Variants in DERPC observed in about 807,000 individuals in gnomAD.
The protein encoded by DERPC is DERPC proline and glycine rich nuclear protein.
A neutral mutation model predicts 7.2 loss-of-function variants in DERPC; 1 was observed. That is an observed-to-expected ratio of 0.14 (90% CI 0.05 to 0.66). The LOEUF is 0.66. Ranked by LOEUF, DERPC falls within the 30% of genes least tolerant of loss-of-function variation. The pLI, the probability that DERPC is intolerant of heterozygous loss-of-function variation, is 0.84. For synonymous variants in DERPC, 185 were observed against 117.6 expected, an observed-to-expected ratio of 1.57 and a Z score of -3.71; for missense variants, 502 against 299.4, an observed-to-expected ratio of 1.68 and a Z score of -4.99.
At position 69,118,382 on chromosome 16, in the gene DERPC, G is replaced by A; in HGVS notation, c.*472C>T. Reference sequence around the variant, plus strand: ...CCCAGGGAAAGGTATGGCAGTAGAGGATGACCAGGTCCAAGCTGCCCAGGT... The same window carrying A: ...CCCAGGGAAAGGTATGGCAGTAGAGAATGACCAGGTCCAAGCTGCCCAGGT... On this transcript the variant is annotated 3_prime_UTR_variant, in exon 3 of 3. Coordinates refer to ENST00000519520, the MANE Select transcript of DERPC (RefSeq NM_001002847.4). 6.2e-7 allele frequency: 1 copy of A among 1,612,076 alleles called. No homozygotes were observed. The highest frequency in any genetic ancestry group is 8.5e-7 in the Non-Finnish European group (1 of 1,178,116).
chr16:69,121,458 T>A lies in DERPC; in HGVS notation c.-244A>T. The A allele has an allele frequency of 6.2e-7, 1 of 1,602,084 alleles. No individual in the cohort carries two copies. The highest frequency in any genetic ancestry group is 8.5e-7 in the Non-Finnish European group (1 of 1,176,988). ...TACCTGGAAATAACAATTTGCACCA[T>A]GAGCTTTCTGTCTTTAAAAAGCAAG... On this transcript the variant is annotated 5_prime_UTR_variant, in exon 2 of 3. An upstream start codon of the reference 5' UTR is lost. Transcript: ENST00000519520.
chr16:69,119,057 C>T lies in DERPC; in HGVS notation c.1372G>A (p.Gly458Ser). The T allele has an allele frequency of 1.4e-6, 1 of 703,034 alleles. No homozygotes were observed. The allele number at this position is 703,034 out of a possible 1,614,324, so 43.5% of individuals were successfully genotyped here. The part of the protein sequence containing the change: ...HLGPSPAGPV[G>S]INPAPFTRPT... ...CTTGTGAAAGGAGCTGGGTTGATAC[C>T]CACAGGGCCAGCTGGAGAAGGGCCC... The change falls in exon 3 of 3, where the codon GGT becomes AGT. Residue 458 changes from glycine to serine, a missense_variant. Transcript: ENST00000519520.
chr16:69,122,508 G>T (rs1214551555), intron 1 of DERPC, among the ~76,000 whole-genome samples: 1 of 151,446 alleles, frequency 6.6e-6, no homozygotes, highest in Non-Finnish European at 1.5e-5. Context: ...GAGTAGCTGG[G>T]ATTACAGGTG....
chr16:69,128,039 C>T (rs549422897), intron 1 of DERPC, among the ~76,000 whole-genome samples: 30 of 152,246 alleles, frequency 2.0e-4, no homozygotes, highest in African/African-American at 7.2e-4. Flanking sequence ...CTCAGCCTCC[C>T]GAGTAACTGG....
intron 2 of DERPC, chr16:69,121,042 AG>A (rs1474340191): frequency 6.2e-7 from 1 of 1,608,920 alleles, no homozygotes; most frequent in Admixed American, 1.7e-5. Flanking sequence ...GGGAAAGAAA[AG>A]CCCCCTCACC....
chr16:69,123,667 A>G (rs1961845484), intron 1 of DERPC, among the ~76,000 whole-genome samples: 1 of 151,870 alleles, frequency 6.6e-6, no homozygotes, highest in Admixed American at 6.6e-5. Flanking sequence ...CAATCAATCA[A>G]TAAATCCAAG....
chr16:69,129,353 C>G (rs961329067), intron 1 of DERPC, among the ~76,000 whole-genome samples: 5 of 149,858 alleles, frequency 3.3e-5, no homozygotes, highest in African/African-American at 1.2e-4. Flanking sequence ...TGGCGTGAAC[C>G]CAGGAGGCAG....
chr16:69,131,721 C>T (rs548131782), intron 1 of DERPC, among the ~76,000 whole-genome samples: 3 of 151,502 alleles, frequency 2.0e-5, no homozygotes, highest in East Asian at 2.0e-4. Flanking sequence ...GTCTTCCAAA[C>T]CGTTCACCCT....
intron 1 of DERPC, among the ~76,000 whole-genome samples, chr16:69,128,490 A>C (rs1162622946): frequency 6.6e-6 from 1 of 152,190 alleles, no homozygotes; most frequent in African/African-American, 2.4e-5. Flanking sequence ...TCTCATGAGG[A>C]GGGAAAAAAG....
At chr16:69,125,819 C>G (rs1033391695) in intron 1 of DERPC, among the ~76,000 whole-genome samples, 2 of 152,230 alleles carry the variant, frequency 1.3e-5, no homozygotes, top group African/African-American at 4.8e-5. Flanking sequence ...GTGTGGACCT[C>G]TTTACTGTGT....
At chr16:69,126,874 G>GA (rs534041774) in intron 1 of DERPC, among the ~76,000 whole-genome samples, 70 of 152,278 alleles carry the variant, frequency 4.6e-4, no homozygotes, top group Non-Finnish European at 8.7e-4. Context: ...AGTAGGTAGG[G>GA]ATTCCTGAGT....
Position 69,118,068 on chromosome 16 carries a change from C to G in DERPC, c.*786G>C, listed in dbSNP as rs1245749410. The G allele has an allele frequency of 2.1e-6, 1 of 487,444 alleles. No homozygotes were observed. Among genetic ancestry groups the G allele is most frequent in the African/African-American group, 1.9e-5 (1 of 51,928 alleles). The allele number at this position is 487,444 out of a possible 1,614,324, so 30.2% of individuals were successfully genotyped here. A position where few individuals can be genotyped will look rare whatever the true frequency, so the allele number is the denominator to read the frequency against. ...GAAAAGATACAATGCAGGAAAACCA[C>G]CAACCATCCTTGCACACCAGGCCGA... On this transcript the variant is annotated 3_prime_UTR_variant, in exon 3 of 3. Transcript: ENST00000519520.
intron 1 of DERPC, among the ~76,000 whole-genome samples, chr16:69,127,975 C>T (rs143403498): frequency 1.7e-4 from 25 of 151,420 alleles, no homozygotes; most frequent in African/African-American, 3.4e-4. Flanking sequence ...AGTGCAGTGG[C>T]GCAATCTCGG....
At chr16:69,121,221 A>T in intron 2 of DERPC, 1 of 1,535,336 alleles carries the variant, frequency 6.5e-7, no homozygotes, top group East Asian at 2.3e-5. Context: ...TGAAGGATGA[A>T]TAGTGTCCTC....
rs556306206 is a variant in DERPC, at chr16:69,119,562, T to C, written c.867A>G (p.Ser289=). Reference sequence around the variant, plus strand: ...TTCCAGAAGCCTGTGAGAAAGAAGCTGAATTTGCTCCTAAAAGACCTGCTG... The same window carrying C: ...TTCCAGAAGCCTGTGAGAAAGAAGCCGAATTTGCTCCTAAAAGACCTGCTG... ...LRAAGLLGAN[S]ASFSQASGNM... is the part of the protein sequence containing the mutation. The change falls in exon 3 of 3, where the codon TCA becomes TCG. Residue 289 remains serine, a synonymous_variant. Coordinates refer to ENST00000519520, the MANE Select transcript of DERPC (RefSeq NM_001002847.4). The C allele has an allele frequency of 4.3e-6, 3 of 702,830 alleles. No individual in the cohort carries two copies. The East Asian group carries it at 8.0e-5, about 19-fold the overall frequency. The allele number at this position is 702,830 out of a possible 1,614,324, so 43.5% of individuals were successfully genotyped here. A position where few individuals can be genotyped will look rare whatever the true frequency, so the allele number is the denominator to read the frequency against.
intron 2 of DERPC, chr16:69,121,213 A>T: frequency 3.2e-6 from 5 of 1,556,764 alleles, no homozygotes; most frequent in Non-Finnish European, 4.4e-6. Context: ...TTGAGGGGTG[A>T]AGGATGAATA....
At position 69,119,407 on chromosome 16, in the gene DERPC, A is replaced by G. The variant is rs1351898293; in HGVS notation, c.1022T>C (p.Ile341Thr). The change falls in exon 3 of 3, where the codon ATA (isoleucine) becomes ACA (threonine). Residue 341 changes from isoleucine (I) to threonine (T), a missense_variant. Ile to Thr is a moderately conservative substitution (Grantham distance 89). Transcript: ENST00000519520. ...PSPMSRAPGP[I>T]GPNSAHFSRP... ...TGAGAAATGAGCTGAATTAGGGCCT[A>G]TGGGGCCAGGAGCCCTTGACATGGG... 1.0e-5 allele frequency: 7 copies of G among 702,776 alleles called. No homozygotes were observed. The East Asian group carries it at 1.9e-4, about 19-fold the overall frequency. The allele number at this position is 702,776 out of a possible 1,614,324, so 43.5% of individuals were successfully genotyped here. A position where few individuals can be genotyped will look rare whatever the true frequency, so the allele number is the denominator to read the frequency against.
chr16:69,126,361 C>T (rs115072398), intron 1 of DERPC, among the ~76,000 whole-genome samples: 2,725 of 152,252 alleles, frequency 0.018, 85 homozygotes, highest in African/African-American at 0.062. Flanking sequence ...ACAATGGTGT[C>T]GAAAACACAT....
Position 69,120,135 on chromosome 16 carries a change from A to T in DERPC, c.294T>A (p.Phe98Leu), listed in dbSNP as rs1203354965. The T allele has an allele frequency of 8.6e-6, 6 of 701,210 alleles. No homozygotes were observed. The highest frequency in any genetic ancestry group is 7.8e-6 in the Non-Finnish European group (3 of 384,916). The allele number at this position is 701,210 out of a possible 1,614,324, so 43.4% of individuals were successfully genotyped here. The change falls in exon 3 of 3, where the codon TTT becomes TTA. Residue 98 changes from phenylalanine to leucine, a missense_variant. Phe to Leu is a conservative substitution (Grantham distance 22). Transcript: ENST00000519520. This position sits in a 1 kb window ranked among gnomAD's most constrained non-coding sequence, Gnocchi z 4.0. The part of the protein sequence containing the change: ...AGARDPSMAS[F>L]PRGMNPTGTG... ...TGCCAGTGGGATTCATCCCTCTTGGAAAAGAAGCCATACTTGGGTCACGAG... is the reference window on the plus strand; with the variant it reads ...TGCCAGTGGGATTCATCCCTCTTGGTAAAGAAGCCATACTTGGGTCACGAG...
Sources: gnomAD v4.1 joint callset for allele counts (sites outside exome capture counted in the v4.1 genomes callset) on GRCh38, gnomAD v4.1.1 for gene constraint, Gnocchi (gnomAD v3.1) non-coding constraint, MANE v1.5 for transcripts, NCBI Gene and HGNC (gene_info 2026-07-23, HGNC 2026-07-21) for gene names.